VWDE: variants seen among roughly 807,000 people sequenced by gnomAD.
The protein encoded by VWDE is von Willebrand factor D and EGF domain-containing protein.
In VWDE, 207 loss-of-function variants were observed where a neutral mutation model predicts 178.4. That is an observed-to-expected ratio of 1.16 (90% CI 1.04 to 1.30). VWDE has a LOEUF of 1.30. Among genes scored for constraint, VWDE ranks in the 50% most tolerant of loss-of-function variants. The pLI, the probability that VWDE is intolerant of heterozygous loss-of-function variation, is 0.00. For missense variants in VWDE, 2,287 were observed against 1,901.3 expected, an observed-to-expected ratio of 1.20 and a Z score of -3.77; for synonymous variants, 738 against 651.4, an observed-to-expected ratio of 1.13 and a Z score of -2.02.
intron 1 of VWDE, among the ~76,000 whole-genome samples, chr7:12,394,125 G>A (rs1784520277): frequency 6.6e-6 from 1 of 152,098 alleles, no homozygotes; most frequent in African/African-American, 2.4e-5. Context: ...TCTTGGGCCT[G>A]GTCCTCTGGA....
intron 2 of VWDE, among the ~76,000 whole-genome samples, chr7:12,390,811 A>G (rs1174093170): frequency 6.6e-6 from 1 of 152,026 alleles, no homozygotes; most frequent in Non-Finnish European, 1.5e-5. Context: ...AAAAATTATC[A>G]CTATGTTTTA....
intron 21 of VWDE, among the ~76,000 whole-genome samples, chr7:12,343,822 C>G (rs1781455229): frequency 6.6e-6 from 1 of 152,046 alleles, no homozygotes; most frequent in Non-Finnish European, 1.5e-5. Flanking sequence ...TTTACATTTT[C>G]TAGTTATTTG....
At chr7:12,352,359 A>C (rs1309862555) in intron 18 of VWDE, among the ~76,000 whole-genome samples, 1 of 152,160 alleles carries the variant, frequency 6.6e-6, no homozygotes. Flanking sequence ...TCATGTTGCT[A>C]TCCATTGACT....
At chr7:12,350,734 T>C (rs989846134) in intron 19 of VWDE, among the ~76,000 whole-genome samples, 7 of 152,280 alleles carry the variant, frequency 4.6e-5, no homozygotes, top group African/African-American at 1.7e-4. Context: ...AAGCCTTCTA[T>C]GTTTCTGTTT....
intron 19 of VWDE, among the ~76,000 whole-genome samples, chr7:12,345,324 T>A (rs1781545035): frequency 6.6e-6 from 1 of 152,140 alleles, no homozygotes; most frequent in Non-Finnish European, 1.5e-5. Flanking sequence ...TGGAAAAGCA[T>A]ATCTTTTTAA....
At chr7:12,384,337 G>C (rs1007776074) in intron 3 of VWDE, among the ~76,000 whole-genome samples, 1 of 151,964 alleles carries the variant, frequency 6.6e-6, no homozygotes, top group Non-Finnish European at 1.5e-5. Flanking sequence ...TGGTTGTCTG[G>C]GGTTGAGAGG....
chr7:12,396,910 G>A (rs1350334140), intron 1 of VWDE, among the ~76,000 whole-genome samples: 1 of 152,060 alleles, frequency 6.6e-6, no homozygotes, highest in Non-Finnish European at 1.5e-5. Flanking sequence ...ACTCCAGCCT[G>A]GGCAACAAGA....
At chr7:12,384,788 T>C (rs1252970727) in intron 3 of VWDE, among the ~76,000 whole-genome samples, 1 of 152,072 alleles carries the variant, frequency 6.6e-6, no homozygotes, top group Non-Finnish European at 1.5e-5. Context: ...TAAATACAGT[T>C]AACTGGCACA....
intron 27 of VWDE, among the ~76,000 whole-genome samples, chr7:12,335,284 A>G (rs1780955827): frequency 6.6e-6 from 1 of 152,080 alleles, no homozygotes; most frequent in Admixed American, 6.6e-5. Context: ...TCTTTTTTCA[A>G]GTTTCCACAA....
At chr7:12,331,736 G>A (rs1780731499) in intron 28 of VWDE, among the ~76,000 whole-genome samples, 1 of 152,100 alleles carries the variant, frequency 6.6e-6, no homozygotes. Context: ...AGAAAACTGA[G>A]ACTGAGGGGG....
chr7:12,374,916 A>G, intron 8 of VWDE, 94 bp downstream of exon 8: 1 of 1,308,666 alleles, frequency 7.6e-7, no homozygotes, highest in Middle Eastern at 2.7e-4. Flanking sequence ...TTTACCAAAA[A>G]ATTTTTTACA....
chr7:12,357,638 C>G, intron 16 of VWDE, 123 bp from the exon 17 acceptor site: 2 of 1,129,756 alleles, frequency 1.8e-6, no homozygotes, highest in South Asian at 3.4e-5. Context: ...GGTCTATTAG[C>G]TGCTTTCATT....
intron 16 of VWDE, 132 bp from the exon 17 acceptor site, chr7:12,357,647 T>A (rs1782335305): frequency 1.9e-6 from 1 of 521,640 alleles, no homozygotes; most frequent in Non-Finnish European, 2.8e-6. Context: ...GCTGCTTTCA[T>A]TTTTTTTTTT....
chr7:12,344,381 G>A lies in VWDE; in HGVS notation c.3975C>T (p.Cys1325=), dbSNP rs1562466659. The change falls in exon 20 of 29, where the codon TGC becomes TGT. Residue 1325 remains cysteine, a synonymous_variant. Coordinates refer to ENST00000275358, the MANE Select transcript of VWDE (RefSeq NM_001135924.3). ...ATGAATGATGTTACCTACCAGTTTG[G>A]CAGTTAGAACCAATGTAACCAGGTT... ...KCKPGYIGSN[C]QTALCDPDCK... is the part of the protein sequence containing the mutation. The A allele has an allele frequency of 6.4e-7, 1 of 1,550,594 alleles. No homozygotes were observed. Among genetic ancestry groups the A allele is most frequent in the South Asian group, 1.2e-5 (1 of 83,992 alleles).
intron 15 of VWDE, 100 bp from the exon 16 acceptor site, chr7:12,359,792 A>G: frequency 1.5e-6 from 1 of 666,462 alleles, no homozygotes; most frequent in Non-Finnish European, 2.5e-6. Context: ...GATTCCAACG[A>G]AAGCACATAC....
rs867222111 is a variant in VWDE at position 12,379,487 on chromosome 7, G to A, written c.869C>T (p.Ala290Val). Residue 290 changes from alanine (A) to valine (V), a missense_variant, in exon 6 of 29, where the codon GCA becomes GTA. Transcript: ENST00000275358. ...CCCACTGCTGCGTACCTTAAAGCCT[G>A]CAAAAAATTCTTGGCTTTCGATGGC... ...SVAIESQEFF[A>V]GFKLQPELST... 4 of 1,548,578 alleles carry A rather than the reference G, an allele frequency of 2.6e-6. 1 individual carries two copies. The South Asian group carries it at 3.6e-5, about 14-fold the overall frequency.
At chr7:12,399,133 C>T (rs985936266) in intron 1 of VWDE, among the ~76,000 whole-genome samples, 14 of 152,212 alleles carry the variant, frequency 9.2e-5, no homozygotes, top group Admixed American at 2.6e-4. Context: ...AATAGAGTGA[C>T]TAGTTTGCTA....
Position 12,336,995 on chromosome 7 carries a change from G to T in VWDE, c.4551C>A (p.Cys1517Ter), listed in dbSNP as rs548337454. The T allele has an allele frequency of 6.4e-7, 1 of 1,550,750 alleles. No homozygotes were observed. The highest frequency in any genetic ancestry group is 8.7e-7 in the Non-Finnish European group (1 of 1,146,508). Reference sequence around the variant, plus strand: ...TAAGAGTATTCCTCTTACGTGTGTTGCATCGTTTCCCACTCCAACCAGAAG... The same window carrying T: ...TAAGAGTATTCCTCTTACGTGTGTTTCATCGTTTCCCACTCCAACCAGAAG... Reference protein sequence around the residue: ...SCPSGWSGKRCNTPICLQKCK... With the variant: ...SCPSGWSGKR Residue 1517 changes from cysteine to a stop codon, truncating the protein, a stop_gained, in exon 26 of 29, where the codon TGC becomes TGA. Coordinates refer to ENST00000275358, the MANE Select transcript of VWDE (RefSeq NM_001135924.3). LOFTEE classifies it high-confidence loss of function.
rs1280824967 is a variant in VWDE at position 12,361,239 on chromosome 7, C to A, written c.3067G>T (p.Gly1023Cys). 3.2e-6 allele frequency: 5 copies of A among 1,546,232 alleles called. No individual in the cohort carries two copies. The highest frequency in any genetic ancestry group is 1.4e-5 in the African/African-American group (1 of 72,932). ...GKWQLKVSND[G>C]YKFSNPKITV... ...ATTTTGGGATTACTGAATTTATAAC[C>A]ATCATTAGATACCTGTAACATAATA... The change falls in exon 15 of 29, where the codon GGT becomes TGT. Residue 1023 changes from glycine (G) to cysteine (C), a missense_variant. Coordinates refer to ENST00000275358, the MANE Select transcript of VWDE (RefSeq NM_001135924.3).
Sources: gnomAD v4.1 joint callset for allele counts (sites outside exome capture counted in the v4.1 genomes callset) on GRCh38, gnomAD v4.1.1 for gene constraint, MANE v1.5 for transcripts, NCBI Gene and HGNC (gene_info 2026-07-23, HGNC 2026-07-21) for gene names.